Variants in PARD3B observed in about 807,000 individuals in gnomAD.
PARD3B encodes the protein partitioning defective 3 homolog B.
PARD3B carries 103 observed loss-of-function variants against 130.2 expected under a neutral mutation model. The observed-to-expected ratio is 0.79, with a 90% CI of 0.67 to 0.93. PARD3B has a LOEUF of 0.93. Ranked by LOEUF, PARD3B falls within the 40% of genes least tolerant of loss-of-function variation. PARD3B has a pLI of 0.00. For synonymous variants in PARD3B, 583 were observed against 553.2 expected (o/e 1.05, Z -0.76); for missense variants, 1,609 against 1,499.2 (o/e 1.07, Z -1.21).
At chr2:205,215,834 A>G (rs1446845499) in intron 15 of PARD3B, among the ~76,000 whole-genome samples, 2 of 152,048 alleles carry the variant, frequency 1.3e-5, no homozygotes, top group Non-Finnish European at 2.9e-5. Context: ...AATTTTCCCT[A>G]TAGTTAATTT....
In PARD3B at chr2:205,281,785, G is replaced by A. The variant is rs1359883723; in HGVS notation, c.2186-18745G>A. 6.6e-6 allele frequency among the ~76,000 whole-genome samples: 1 copy of A among 152,130 alleles called. No individual in the cohort carries two copies. The highest frequency in any genetic ancestry group is 2.4e-5 in the African/African-American group (1 of 41,434). ...CCTGGGCAGGTTGTCTACATTAAAA[G>A]TACCTGTTTTTCCATAAAAAAGAGG... On this transcript the variant is annotated intron_variant, in intron 16 of 22. Coordinates refer to ENST00000406610, the MANE Select transcript of PARD3B (RefSeq NM_001302769.2). This position sits in a 1 kb window ranked among gnomAD's most constrained non-coding sequence, Gnocchi z 4.2.
At chr2:204,793,394 A>G (rs2042263076) in intron 2 of PARD3B, among the ~76,000 whole-genome samples, 1 of 152,180 alleles carries the variant, frequency 6.6e-6, no homozygotes, top group Non-Finnish European at 1.5e-5. Flanking sequence ...TTCAGTCGTA[A>G]TATAAATATA....
rs1039849641 is a variant in PARD3B at position 205,618,509 on chromosome 2, G to A, written c.*2696G>A. On this transcript the variant is annotated 3_prime_UTR_variant, in exon 23 of 23. Coordinates refer to ENST00000406610, the MANE Select transcript of PARD3B (RefSeq NM_001302769.2). The stretch of plus-strand genomic sequence containing the variant: ...TATGGCCTTGGGAAAACTCAATCCG[G>A]TGTCTCCTTGTAGCTCAGAACACTA... 1 of 152,194 alleles carries A rather than the reference G, an allele frequency of 6.6e-6. No individual in the cohort carries two copies. The highest frequency in any genetic ancestry group is 6.5e-5 in the Admixed American group (1 of 15,280). 9.4% of individuals were successfully genotyped at this position (152,194 alleles called of 1,614,324 possible). A position where few individuals can be genotyped will look rare whatever the true frequency, so the allele number is the denominator to read the frequency against.
chr2:205,098,005 A>G (rs1372940870), intron 4 of PARD3B, among the ~76,000 whole-genome samples: 2 of 152,164 alleles, frequency 1.3e-5, no homozygotes, highest in Non-Finnish European at 2.9e-5. Flanking sequence ...TTAACAATCA[A>G]ATTGCATGTT....
At chr2:205,217,325 C>T (rs1038922038) in intron 15 of PARD3B, among the ~76,000 whole-genome samples, 2 of 152,288 alleles carry the variant, frequency 1.3e-5, no homozygotes, top group South Asian at 2.1e-4. Flanking sequence ...TTCTGAGTTG[C>T]TTTAGATCTT....
chr2:205,432,812 C>A (rs1192282946), intron 19 of PARD3B, among the ~76,000 whole-genome samples: 2 of 152,058 alleles, frequency 1.3e-5, no homozygotes, highest in African/African-American at 4.8e-5. Context: ...TCAAAAACTC[C>A]TACTACCTCT....
At chr2:204,607,619 T>C (rs1305064771) in intron 1 of PARD3B, among the ~76,000 whole-genome samples, 3 of 151,694 alleles carry the variant, frequency 2.0e-5, no homozygotes, top group Non-Finnish European at 4.4e-5. Flanking sequence ...GGAAGAAAAT[T>C]ATTTTAAAAA....
At chr2:205,356,390 C>T (rs1438798080) in intron 18 of PARD3B, among the ~76,000 whole-genome samples, 1 of 151,976 alleles carries the variant, frequency 6.6e-6, no homozygotes, top group Non-Finnish European at 1.5e-5. Context: ...CTTGCTCTGT[C>T]ACCCAGGCTG....
intron 4 of PARD3B, among the ~76,000 whole-genome samples, chr2:205,053,936 A>G (rs1301273557): frequency 1.3e-5 from 2 of 152,156 alleles, no homozygotes; most frequent in African/African-American, 2.4e-5. Context: ...ATTTAATAAT[A>G]GTTCTGGTGT....
At chr2:205,501,441 A>G (rs1352316534) in intron 21 of PARD3B, among the ~76,000 whole-genome samples, 1 of 152,186 alleles carries the variant, frequency 6.6e-6, no homozygotes, top group Non-Finnish European at 1.5e-5. Flanking sequence ...TTTCCACAGA[A>G]TAACAGATTA....
At chr2:205,583,377 CTGTG>C (rs139162850) in intron 22 of PARD3B, among the ~76,000 whole-genome samples, 4 of 150,374 alleles carry the variant, frequency 2.7e-5, no homozygotes, top group African/African-American at 7.3e-5. Flanking sequence ...CTCCTAAGCT[CTGTG>C]TGTGTGTGTG....
intron 21 of PARD3B, among the ~76,000 whole-genome samples, chr2:205,545,203 G>T (rs897248176): frequency 6.6e-6 from 1 of 152,258 alleles, no homozygotes; most frequent in East Asian, 1.9e-4. Flanking sequence ...ATCCTATTTT[G>T]ATGAGTTTCA....
At chr2:205,444,858 G>T (rs1378254213) in intron 20 of PARD3B, among the ~76,000 whole-genome samples, 1 of 152,232 alleles carries the variant, frequency 6.6e-6, no homozygotes, top group Non-Finnish European at 1.5e-5. Context: ...AGAGAGCTCA[G>T]TGGAATAAGG....
chr2:205,404,808 C>A (rs1400790405), intron 19 of PARD3B, among the ~76,000 whole-genome samples: 1 of 152,150 alleles, frequency 6.6e-6, no homozygotes, highest in Non-Finnish European at 1.5e-5. Flanking sequence ...GCCACCATGC[C>A]CAGACTGTTG....
chr2:205,092,886 A>G (rs1284758952), intron 4 of PARD3B, among the ~76,000 whole-genome samples: 2 of 152,212 alleles, frequency 1.3e-5, no homozygotes, highest in Admixed American at 6.5e-5. Flanking sequence ...AATGTATTTT[A>G]TAAATAATGA....
intron 18 of PARD3B, among the ~76,000 whole-genome samples, chr2:205,305,198 C>T (rs2042147265): frequency 6.6e-6 from 1 of 152,082 alleles, no homozygotes; most frequent in South Asian, 2.1e-4. Flanking sequence ...TTTATCATTC[C>T]AGCTCATGTC....
chr2:205,451,194 C>T (rs912669732), intron 20 of PARD3B, among the ~76,000 whole-genome samples: 8 of 152,250 alleles, frequency 5.3e-5, no homozygotes, highest in Middle Eastern at 3.4e-3. Context: ...CCAAGATGGC[C>T]GTAGCCACTC....
At chr2:205,554,064 G>A (rs2052770474) in intron 22 of PARD3B, among the ~76,000 whole-genome samples, 1 of 152,212 alleles carries the variant, frequency 6.6e-6, no homozygotes, top group Non-Finnish European at 1.5e-5. Context: ...TTTGCTATCA[G>A]TAGCACATGA....
intron 19 of PARD3B, among the ~76,000 whole-genome samples, chr2:205,406,877 G>T (rs564956790): frequency 6.6e-6 from 1 of 151,794 alleles, no homozygotes; most frequent in South Asian, 2.1e-4. Context: ...CATCATGTTG[G>T]CCAGGATGGC....
Sources: allele counts gnomAD v4.1 joint callset (sites outside exome capture counted in the v4.1 genomes callset), GRCh38; gene constraint gnomAD v4.1.1; non-coding constraint Gnocchi (gnomAD v3.1); transcripts MANE v1.5; gene names NCBI Gene and HGNC (gene_info 2026-07-23, HGNC 2026-07-21).